The following RBFOX1 variants were observed in gnomAD, a reference collection of about 807,000 sequenced individuals.
The protein encoded by RBFOX1 is RNA binding fox-1 homolog 1, also known as RNA binding protein fox-1 homolog 1.
A neutral mutation model predicts 57.7 loss-of-function variants in RBFOX1; 8 were observed. That is an observed-to-expected ratio of 0.14 (90% CI 0.08 to 0.25). The LOEUF is 0.25. Among genes scored for constraint, RBFOX1 ranks in the 10% least tolerant of loss-of-function variants. The pLI, the probability that RBFOX1 is intolerant of heterozygous loss-of-function variation, is 1.00. For missense variants in RBFOX1, 611 were observed against 548.5 expected, an observed-to-expected ratio of 1.11 and a Z score of -1.14; for synonymous variants, 326 against 222.4, an observed-to-expected ratio of 1.47 and a Z score of -4.15.
chr16:7,519,938 T>C (rs1429292800), intron 5 of RBFOX1, among the ~76,000 whole-genome samples: 2 of 152,152 alleles, frequency 1.3e-5, no homozygotes, highest in South Asian at 2.1e-4. Flanking sequence ...CAGGCTGGAG[T>C]GCGGTGGCGC....
chr16:6,488,250 T>C (rs1281067397), intron 2 of RBFOX1, among the ~76,000 whole-genome samples: 1 of 152,228 alleles, frequency 6.6e-6, no homozygotes, highest in African/African-American at 2.4e-5. Context: ...TTGTAGTCTC[T>C]AGTTGTGAGG....
At chr16:6,712,981 C>T (rs2064007832) in intron 3 of RBFOX1, among the ~76,000 whole-genome samples, 1 of 147,178 alleles carries the variant, frequency 6.8e-6, no homozygotes, top group South Asian at 2.2e-4. Context: ...TTCCCCTGCA[C>T]ATGCTCTCTT....
intron 14 of RBFOX1, among the ~76,000 whole-genome samples, chr16:7,707,848 C>T (rs934098701): frequency 2.6e-5 from 4 of 152,188 alleles, no homozygotes; most frequent in African/African-American, 9.7e-5. Context: ...CTACTTGCCC[C>T]TCTCTTCCTC....
intron 4 of RBFOX1, among the ~76,000 whole-genome samples, chr16:7,172,593 ATT>A (rs2080910688): frequency 6.6e-6 from 1 of 151,810 alleles, no homozygotes; most frequent in African/African-American, 2.4e-5. Flanking sequence ...TTTCCTTCAT[ATT>A]GGAGAAAAAA....
intron 1 of RBFOX1, among the ~76,000 whole-genome samples, chr16:6,041,578 G>A (rs1347249734): frequency 6.6e-6 from 1 of 152,028 alleles, no homozygotes; most frequent in African/African-American, 2.4e-5. Context: ...GTGACTCCCT[G>A]AAGCCACATA....
chr16:5,509,964 G>A (rs946368538), intron 2 of RBFOX1, among the ~76,000 whole-genome samples: 6 of 152,138 alleles, frequency 3.9e-5, no homozygotes, highest in African/African-American at 1.2e-4. Flanking sequence ...GTGATGTCAG[G>A]GCACAAGTTC....
intron 3 of RBFOX1, among the ~76,000 whole-genome samples, chr16:6,725,381 T>G (rs964820673): frequency 1.3e-5 from 2 of 152,126 alleles, no homozygotes; most frequent in East Asian, 3.9e-4. Context: ...GGCATCTTTT[T>G]ACCAACGAGG....
At chr16:5,674,201 T>A (rs1481811766) in intron 3 of RBFOX1, among the ~76,000 whole-genome samples, 1 of 152,218 alleles carries the variant, frequency 6.6e-6, no homozygotes, top group Non-Finnish European at 1.5e-5. Flanking sequence ...GTATACCAAA[T>A]GTTATTCTGG....
At chr16:6,220,246 C>T (rs976600595) in intron 1 of RBFOX1, among the ~76,000 whole-genome samples, 3 of 151,964 alleles carry the variant, frequency 2.0e-5, no homozygotes, top group African/African-American at 7.3e-5. Context: ...TCTATTTCTC[C>T]ATACAAACAG....
intron 14 of RBFOX1, among the ~76,000 whole-genome samples, chr16:7,702,421 T>G (rs1049862337): frequency 6.6e-6 from 1 of 152,208 alleles, no homozygotes; most frequent in Admixed American, 6.5e-5. Context: ...GTCAGAAGCC[T>G]TCAGCCTCTT....
chr16:6,208,002 G>T (rs1304297890), intron 1 of RBFOX1, among the ~76,000 whole-genome samples: 1 of 151,854 alleles, frequency 6.6e-6, no homozygotes, highest in African/African-American at 2.4e-5. Context: ...AAATTTTTAT[G>T]TGTGTATATG....
chr16:6,843,476 C>A (rs1022183508), intron 3 of RBFOX1, among the ~76,000 whole-genome samples: 3 of 152,058 alleles, frequency 2.0e-5, no homozygotes, highest in African/African-American at 7.2e-5. Flanking sequence ...ATCACGAGGT[C>A]AGGAGATCGA....
At chr16:7,594,225 T>C (rs931035878) in intron 7 of RBFOX1, among the ~76,000 whole-genome samples, 1 of 151,850 alleles carries the variant, frequency 6.6e-6, no homozygotes, top group African/African-American at 2.4e-5. Flanking sequence ...AGAACTAATG[T>C]AGGACTGGGA....
chr16:6,068,579 C>G (rs368580448), intron 1 of RBFOX1, among the ~76,000 whole-genome samples: 1 of 152,136 alleles, frequency 6.6e-6, no homozygotes, highest in Non-Finnish European at 1.5e-5. Flanking sequence ...AAGGGACTCC[C>G]CAAACCTCCA....
At chr16:5,752,844 T>G (rs1005496102) in intron 3 of RBFOX1, among the ~76,000 whole-genome samples, 1 of 151,966 alleles carries the variant, frequency 6.6e-6, no homozygotes, top group African/African-American at 2.4e-5. Flanking sequence ...TCAAAAGAAA[T>G]AAATTCAGAG....
intron 5 of RBFOX1, among the ~76,000 whole-genome samples, chr16:7,553,068 C>T (rs910907950): frequency 3.3e-5 from 5 of 152,008 alleles, no homozygotes; most frequent in African/African-American, 1.2e-4. Flanking sequence ...GTGCTCCTTC[C>T]TTCTTTCATT....
intron 4 of RBFOX1, among the ~76,000 whole-genome samples, chr16:5,905,595 C>T (rs1402191172): frequency 2.6e-5 from 4 of 152,132 alleles, no homozygotes; most frequent in Non-Finnish European, 5.9e-5. Context: ...CATCTGCCGT[C>T]ATGGCTGTTC....
At chr16:5,831,192 C>T (rs560971386) in intron 3 of RBFOX1, among the ~76,000 whole-genome samples, 4 of 152,060 alleles carry the variant, frequency 2.6e-5, no homozygotes, top group Non-Finnish European at 4.4e-5. Context: ...GAGGTGGGAA[C>T]CTGGTGGGAA....
chr16:5,492,447 G>A (rs564446742), intron 2 of RBFOX1, among the ~76,000 whole-genome samples: 20 of 152,298 alleles, frequency 1.3e-4, no homozygotes, highest in South Asian at 8.3e-4. Context: ...CACAAACCGC[G>A]ATGAGTGCAA....
Sources: allele counts gnomAD v4.1 joint callset (sites outside exome capture counted in the v4.1 genomes callset), GRCh38; gene constraint gnomAD v4.1.1; transcripts MANE v1.5; gene names NCBI Gene and HGNC (gene_info 2026-07-23, HGNC 2026-07-21).